Variants in MAST2 observed in about 807,000 individuals in gnomAD.
MAST2 encodes microtubule-associated serine/threonine-protein kinase 2.
Under a neutral mutation model 147.4 loss-of-function variants are expected in MAST2, and 70 were observed. That is an observed-to-expected ratio of 0.47 (90% CI 0.39 to 0.58). The LOEUF is 0.58. Ranked by LOEUF, MAST2 falls within the 20% of genes least tolerant of loss-of-function variation. The pLI, the probability that MAST2 is intolerant of heterozygous loss-of-function variation, is 0.00. For synonymous variants in MAST2, 869 were observed against 896.8 expected (o/e 0.97, Z 0.55); for missense variants, 2,080 against 2,302.3 (o/e 0.90, Z 1.98).
At chr1:45,994,289 T>TTTTTTTTTTTG (rs1644965153) in intron 5 of MAST2, among the ~76,000 whole-genome samples, 1 of 138,594 alleles carries the variant, frequency 7.2e-6, no homozygotes, top group Non-Finnish European at 1.6e-5. Context: ...TTTTTTTTTT[T>TTTTTTTTTTTG]TTTTTTTTTT....
At chr1:45,872,921 T>G (rs1303561234) in intron 3 of MAST2, among the ~76,000 whole-genome samples, 8 of 152,240 alleles carry the variant, frequency 5.3e-5, no homozygotes, top group Non-Finnish European at 1.0e-4. Context: ...TAATATCTTT[T>G]ATTTTGTTCA....
intron 3 of MAST2, among the ~76,000 whole-genome samples, chr1:45,849,603 T>C (rs1645558240): frequency 6.6e-6 from 1 of 151,740 alleles, no homozygotes; most frequent in Admixed American, 6.6e-5. Flanking sequence ...CTAGGCTCAC[T>C]GCAAGCTCCA....
At chr1:45,862,210 C>A (rs1447858902) in intron 3 of MAST2, among the ~76,000 whole-genome samples, 1 of 152,140 alleles carries the variant, frequency 6.6e-6, no homozygotes, top group Non-Finnish European at 1.5e-5. Context: ...GTGAGAGATA[C>A]TGAAAAAAGT....
At chr1:45,910,162 TTC>T (rs1651460205) in intron 4 of MAST2, among the ~76,000 whole-genome samples, 1 of 151,996 alleles carries the variant, frequency 6.6e-6, no homozygotes, top group Non-Finnish European at 1.5e-5. Context: ...TTTGTAGATT[TTC>T]TCTTTTTCCT....
intron 4 of MAST2, among the ~76,000 whole-genome samples, chr1:45,942,028 C>G (rs993271826): frequency 6.6e-6 from 1 of 152,172 alleles, no homozygotes; most frequent in African/African-American, 2.4e-5. Context: ...AATGATGTCT[C>G]AATATTCCTG....
At chr1:45,961,897 A>G (rs980217821) in intron 5 of MAST2, among the ~76,000 whole-genome samples, 16 of 151,932 alleles carry the variant, frequency 1.1e-4, no homozygotes, top group African/African-American at 3.6e-4. Context: ...CATTAGGTAT[A>G]TCTCCTAATG....
chr1:45,817,955 C>T (rs1189499610), intron 1 of MAST2, among the ~76,000 whole-genome samples: 14 of 152,314 alleles, frequency 9.2e-5, no homozygotes, highest in Admixed American at 8.5e-4. Context: ...TGGGATTTGA[C>T]GAACTCTTGG....
chr1:45,899,893 G>A (rs188362208), intron 4 of MAST2, among the ~76,000 whole-genome samples: 255 of 151,648 alleles, frequency 1.7e-3, no homozygotes, highest in African/African-American at 6.1e-3. Context: ...CCGGCCCAGC[G>A]CGATGGCTTA....
At chr1:45,845,359 A>C (rs1206430677) in intron 3 of MAST2, among the ~76,000 whole-genome samples, 19 of 152,124 alleles carry the variant, frequency 1.2e-4, no homozygotes, top group African/African-American at 4.1e-4. Flanking sequence ...TGCAGAAATA[A>C]ATTTTATTTT....
intron 25 of MAST2, 59 bp from the exon 26 acceptor site, chr1:46,032,536 AC>A: frequency 6.2e-7 from 1 of 1,603,330 alleles, no homozygotes; most frequent in Non-Finnish European, 8.5e-7. Context: ...AATGTCCAGA[AC>A]CAGGCCCCAT....
intron 4 of MAST2, chr1:45,917,297 T>A: frequency 7.7e-7 from 1 of 1,299,380 alleles, no homozygotes; most frequent in South Asian, 1.2e-5. Flanking sequence ...GTTGAAAAGT[T>A]ATCACTGACC....
chr1:45,836,983 C>T (rs1265996630), intron 3 of MAST2, among the ~76,000 whole-genome samples: 1 of 152,176 alleles, frequency 6.6e-6, no homozygotes, highest in Non-Finnish European at 1.5e-5. Flanking sequence ...AGCGTGCAAC[C>T]TAGATCCCTC....
intron 4 of MAST2, among the ~76,000 whole-genome samples, chr1:45,888,884 G>T (rs987399279): frequency 6.6e-6 from 1 of 150,536 alleles, no homozygotes; most frequent in Non-Finnish European, 1.5e-5. Context: ...GTTTCACCAC[G>T]TTAGCCAGGA....
intron 4 of MAST2, among the ~76,000 whole-genome samples, chr1:45,941,047 AAGGTTTTAGC>A (rs1156325532): frequency 5.3e-5 from 8 of 152,286 alleles, no homozygotes; most frequent in African/African-American, 1.9e-4. Flanking sequence ...AACTGGTCTT[AAGGTTTTAGC>A]AGGTTATTTT....
chr1:45,820,529 G>A (rs921628962), intron 1 of MAST2, among the ~76,000 whole-genome samples: 2 of 152,056 alleles, frequency 1.3e-5, no homozygotes, highest in South Asian at 4.1e-4. Flanking sequence ...TTGATAAGTT[G>A]TTTTTGTGGC....
chr1:45,844,188 C>T (rs1166029321), intron 3 of MAST2, among the ~76,000 whole-genome samples: 1 of 152,092 alleles, frequency 6.6e-6, no homozygotes, highest in Non-Finnish European at 1.5e-5. Context: ...CAGTGTCAAC[C>T]TGCTAGGGTC....
At chr1:45,907,470 T>TTC (rs1199081493) in intron 4 of MAST2, among the ~76,000 whole-genome samples, 3 of 151,668 alleles carry the variant, frequency 2.0e-5, no homozygotes, top group African/African-American at 4.8e-5. Context: ...TAACTTTTTT[T>TTC]TTTTTTTTTG....
chr1:46,033,777 C>G, intron 26 of MAST2, 25 bp from the exon 27 acceptor site: 1 of 1,612,538 alleles, frequency 6.2e-7, no homozygotes, highest in Non-Finnish European at 8.5e-7. Flanking sequence ...CCAGCTTAGC[C>G]TAGGCCTCAT....
chr1:45,868,064 G>A (rs1280413162), intron 3 of MAST2, among the ~76,000 whole-genome samples: 2 of 152,228 alleles, frequency 1.3e-5, no homozygotes, highest in Admixed American at 6.5e-5. Context: ...ACATCTGGGA[G>A]ATTATGTGTG....
Sources: allele counts gnomAD v4.1 joint callset (sites outside exome capture counted in the v4.1 genomes callset), GRCh38; gene constraint gnomAD v4.1.1; transcripts MANE v1.5; gene names NCBI Gene and HGNC (gene_info 2026-07-23, HGNC 2026-07-21).